CASZ1: variants seen among roughly 807,000 people sequenced by gnomAD.
CASZ1 encodes the protein zinc finger protein castor homolog 1.
CASZ1 carries 28 observed loss-of-function variants against 135.2 expected under a neutral mutation model. The observed-to-expected ratio is 0.21, with a 90% CI of 0.15 to 0.28. The LOEUF (loss-of-function observed/expected upper bound fraction) is 0.28. CASZ1 is among the 10% of genes least tolerant of loss of function. The pLI is 1.00. For missense variants in CASZ1, 2,161 were observed against 2,453.3 expected (o/e 0.88, Z 2.52); for synonymous variants, 1,068 against 1,073.4 (o/e 0.99, Z 0.10).
rs563444329 is a variant in CASZ1, at chr1:10,777,167, G to A, written c.-233-16310C>T. The stretch of plus-strand genomic sequence containing the variant: ...AAACCAGGACAATAACCTGTGAGCT[G>A]CCTTCTTCACAGGAAGGGTCATAAT... On this transcript the variant is annotated intron_variant, in intron 1 of 20. Transcript: ENST00000377022. This position sits in a 1 kb window ranked among gnomAD's most constrained non-coding sequence, Gnocchi z 4.4. Among the ~76,000 whole-genome samples the A allele has an allele frequency of 6.6e-5, 10 of 152,288 alleles. No individual in the cohort carries two copies. The highest frequency in any genetic ancestry group is 2.0e-4 in the Admixed American group (3 of 15,300).
intron 2 of CASZ1, among the ~76,000 whole-genome samples, chr1:10,714,998 C>T (rs1451916709): frequency 6.6e-6 from 1 of 152,244 alleles, no homozygotes; most frequent in East Asian, 1.9e-4. Flanking sequence ...AGCCGCGGGC[C>T]TAACCTTGGT....
intron 2 of CASZ1, among the ~76,000 whole-genome samples, chr1:10,752,605 G>A (rs1640168635): frequency 1.3e-5 from 2 of 152,192 alleles, no homozygotes; most frequent in African/African-American, 4.8e-5. Flanking sequence ...TCCCCAGGCA[G>A]CTCCCCAGGG....
chr1:10,787,859 A>G (rs529971378), intron 1 of CASZ1, among the ~76,000 whole-genome samples: 2 of 152,186 alleles, frequency 1.3e-5, no homozygotes, highest in African/African-American at 2.4e-5. Flanking sequence ...CGGCTCAGGC[A>G]CCAGCCTTCA....
Position 10,720,160 on chromosome 1 carries a change from C to G in CASZ1, c.-76-14616G>C, listed in dbSNP as rs544401039. 6.6e-6 allele frequency among the ~76,000 whole-genome samples: 1 copy of G among 152,198 alleles called. No individual in the cohort carries two copies. Among genetic ancestry groups the G allele is most frequent in the Non-Finnish European group, 1.5e-5 (1 of 68,040 alleles). On this transcript the variant is annotated intron_variant, in intron 2 of 20. Coordinates refer to ENST00000377022, the MANE Select transcript of CASZ1 (RefSeq NM_001079843.3). This position sits in a 1 kb window ranked among gnomAD's most constrained non-coding sequence, Gnocchi z 5.7. ...TCTGGCCTCTCCGAGGTTCAATTTCCTTGTCTATAAAATGCACGCGATGAT... is the reference window on the plus strand; with the variant it reads ...TCTGGCCTCTCCGAGGTTCAATTTCGTTGTCTATAAAATGCACGCGATGAT...
At chr1:10,790,186 A>G (rs1281097882) in intron 1 of CASZ1, among the ~76,000 whole-genome samples, 1 of 152,228 alleles carries the variant, frequency 6.6e-6, no homozygotes, top group Non-Finnish European at 1.5e-5. Context: ...TAATTTCAAA[A>G]TAAGAAAGCC....
intron 20 of CASZ1, among the ~76,000 whole-genome samples, chr1:10,640,490 G>C (rs1570392513): frequency 6.6e-6 from 1 of 152,234 alleles, no homozygotes; most frequent in African/African-American, 2.4e-5. Flanking sequence ...GGGACAGGCC[G>C]GCTCCTTTCC....
At chr1:10,761,160 C>G (rs1377784028) in intron 1 of CASZ1, among the ~76,000 whole-genome samples, 1 of 152,238 alleles carries the variant, frequency 6.6e-6, no homozygotes, top group African/African-American at 2.4e-5. Flanking sequence ...GGTGCCTCCC[C>G]AGGTAACACA....
At chr1:10,795,385 G>C (rs1166176890) in intron 1 of CASZ1, among the ~76,000 whole-genome samples, 1 of 152,176 alleles carries the variant, frequency 6.6e-6, no homozygotes, top group Non-Finnish European at 1.5e-5. Context: ...TCAGCCCTGT[G>C]CCCTTGGATT....
At chr1:10,690,866 C>T (rs995863463) in intron 4 of CASZ1, among the ~76,000 whole-genome samples, 4 of 152,224 alleles carry the variant, frequency 2.6e-5, no homozygotes, top group African/African-American at 9.7e-5. Context: ...TCCACCCGTG[C>T]TTCACCGCCA....
In CASZ1 at chr1:10,777,505, C is replaced by T. The variant is rs79070790; in HGVS notation, c.-233-16648G>A. ...AGTCTCACTCAGGGTAGGCCTGGGG[C>T]AGGGGACCAAGTGATACGCGAAAAA... On this transcript the variant is annotated intron_variant, in intron 1 of 20. Coordinates refer to ENST00000377022, the MANE Select transcript of CASZ1 (RefSeq NM_001079843.3). This position sits in a 1 kb window ranked among gnomAD's most constrained non-coding sequence, Gnocchi z 4.4. Among the ~76,000 whole-genome samples the T allele has an allele frequency of 6.6e-6, 1 of 152,196 alleles. No homozygotes were observed. Among genetic ancestry groups the T allele is most frequent in the Non-Finnish European group, 1.5e-5 (1 of 68,034 alleles).
chr1:10,649,531 G>C (rs948526331), intron 13 of CASZ1, 94 bp from the exon 14 acceptor site: 14 of 1,394,522 alleles, frequency 1.0e-5, no homozygotes, highest in African/African-American at 4.3e-5. Context: ...GGGCTGCTGG[G>C]ACCCACCCAG....
intron 2 of CASZ1, among the ~76,000 whole-genome samples, chr1:10,728,839 T>C (rs1256890102): frequency 6.6e-6 from 1 of 151,906 alleles, no homozygotes; most frequent in Non-Finnish European, 1.5e-5. Context: ...GAAGACTCAA[T>C]AAAGAGTTGC....
At position 10,646,227 on chromosome 1, in the gene CASZ1, G is replaced by A. The variant is rs375381763; in HGVS notation, c.3597C>T (p.Ala1199=). 4.6e-5 allele frequency: 75 copies of A among 1,614,034 alleles called. No individual in the cohort carries two copies. Among genetic ancestry groups the A allele is most frequent in the Admixed American group, 1.5e-4 (9 of 60,000 alleles). Reference sequence around the variant, plus strand: ...TGATGTGGTCCAGGCAGTGGGATTCGGCCTTGCCAGACGTTTTGCAGACGT... The same window carrying A: ...TGATGTGGTCCAGGCAGTGGGATTCAGCCTTGCCAGACGTTTTGCAGACGT... The part of the protein sequence containing the change: ...CKYVCKTSGK[A]ESHCLDHINP... The change falls in exon 17 of 21, where the codon GCC becomes GCT. Residue 1199 remains alanine, a synonymous_variant. Coordinates refer to ENST00000377022, the MANE Select transcript of CASZ1 (RefSeq NM_001079843.3). The surrounding 1 kb of genome is among the most constrained non-coding windows in gnomAD (Gnocchi z 6.4).
chr1:10,654,300 C>G, intron 10 of CASZ1, 82 bp from the exon 11 acceptor site: 2 of 1,579,486 alleles, frequency 1.3e-6, no homozygotes, highest in Non-Finnish European at 1.7e-6. Context: ...GGGACAGTCC[C>G]CCGGGTGGAA....
intron 2 of CASZ1, among the ~76,000 whole-genome samples, chr1:10,748,625 G>T (rs1012973572): frequency 8.5e-5 from 13 of 152,158 alleles, no homozygotes; most frequent in African/African-American, 3.1e-4. Flanking sequence ...CCTCTTTCTC[G>T]CAGTCAGCTC....
rs1005879854 is a variant in CASZ1 at position 10,724,635 on chromosome 1, T to C, written c.-76-19091A>G. On this transcript the variant is annotated intron_variant, in intron 2 of 20. Coordinates refer to ENST00000377022, the MANE Select transcript of CASZ1 (RefSeq NM_001079843.3). This position sits in a 1 kb window ranked among gnomAD's most constrained non-coding sequence, Gnocchi z 4.1. ...AGAGTGTTAGAGGTTAGAGAAGCAC[T>C]TCTCCCCCAGCCAAAGCAAGCAGGG... is the stretch of plus-strand genomic sequence containing the variant. Among the ~76,000 whole-genome samples the C allele has an allele frequency of 6.6e-6, 1 of 152,164 alleles. No homozygotes were observed. Among genetic ancestry groups the C allele is most frequent in the African/African-American group, 2.4e-5 (1 of 41,432 alleles).
intron 15 of CASZ1, chr1:10,648,355 C>G: frequency 2.0e-6 from 1 of 493,254 alleles, no homozygotes; most frequent in African/African-American, 2.0e-5. Context: ...TGGCTTGGGC[C>G]TAACCATGCC....
chr1:10,791,889 A>G (rs1215558275), intron 1 of CASZ1, among the ~76,000 whole-genome samples: 2 of 152,154 alleles, frequency 1.3e-5, no homozygotes, highest in Non-Finnish European at 2.9e-5. Flanking sequence ...CATGGATATG[A>G]CATATTTGCT....
At chr1:10,749,268 GAC>G (rs1178565796) in intron 2 of CASZ1, among the ~76,000 whole-genome samples, 2 of 149,108 alleles carry the variant, frequency 1.3e-5, no homozygotes, top group Admixed American at 1.3e-4. Context: ...TTTTTTTTGA[GAC>G]AGAGTCTCAC....
Sources: gnomAD v4.1 joint callset for allele counts (sites outside exome capture counted in the v4.1 genomes callset) on GRCh38, gnomAD v4.1.1 for gene constraint, Gnocchi (gnomAD v3.1) non-coding constraint, MANE v1.5 for transcripts, NCBI Gene and HGNC (gene_info 2026-07-23, HGNC 2026-07-21) for gene names.